Variants in ACSL4 observed in about 807,000 individuals in gnomAD.
ACSL4 encodes acyl-CoA synthetase long chain family member 4, also known as long-chain-fatty-acid--CoA ligase 4.
A neutral mutation model predicts 49.1 loss-of-function variants in ACSL4; 9 were observed. That is an observed-to-expected ratio of 0.18 (90% CI 0.11 to 0.32). The LOEUF (loss-of-function observed/expected upper bound fraction) is 0.32. Ranked by LOEUF, ACSL4 falls within the 10% of genes least tolerant of loss-of-function variation. The pLI, the probability that ACSL4 is intolerant of heterozygous loss-of-function variation, is 1.00. For synonymous variants in ACSL4, 191 were observed against 170.3 expected, an observed-to-expected ratio of 1.12 and a Z score of -0.95; for missense variants, 333 against 493.7, an observed-to-expected ratio of 0.67 and a Z score of 3.08.
At chrX:109,712,668 A>G in intron 1 of ACSL4, among the ~76,000 whole-genome samples, 1 of 112,263 alleles carries the variant, frequency 8.9e-6, no homozygotes, top group African/African-American at 3.2e-5. Flanking sequence ...ATGAATGTGG[A>G]AGAGTATGCA....
intron 15 of ACSL4, among the ~76,000 whole-genome samples, chrX:109,645,938 T>C (rs990324851): frequency 1.1e-4 from 12 of 110,812 alleles, no homozygotes; most frequent in African/African-American, 3.6e-4. Flanking sequence ...GAAGATGAAA[T>C]GAATGAAATG....
intron 1 of ACSL4, among the ~76,000 whole-genome samples, chrX:109,721,540 G>A (rs978043733): frequency 2.7e-5 from 3 of 110,455 alleles, no homozygotes; most frequent in African/African-American, 6.6e-5. Context: ...GAGACCAGCC[G>A]GGCCAACATG....
chrX:109,707,919 T>A (rs1926477198), intron 1 of ACSL4, among the ~76,000 whole-genome samples: 1 of 111,862 alleles, frequency 8.9e-6, no homozygotes, highest in African/African-American at 3.2e-5. Flanking sequence ...AACCAAAATG[T>A]TAATCTCTAG....
intron 2 of ACSL4, among the ~76,000 whole-genome samples, chrX:109,689,384 G>GT (rs1924863888): frequency 8.9e-6 from 1 of 111,840 alleles, no homozygotes; most frequent in South Asian, 3.7e-4. Context: ...TTCTCAAAAT[G>GT]TAAGTTAGAT....
In ACSL4 at chrX:109,733,170, G is replaced by T. The variant is rs1241805069; in HGVS notation, c.-97C>A. On this transcript the variant is annotated 5_prime_UTR_variant, in exon 1 of 16. Transcript: ENST00000672401. ...GGCGGCCCACCGCGTCTTCGCAGCC[G>T]GCCGGCGCCTGGCACTCGGAAAGCT... The T allele has an allele frequency of 3.0e-6, 1 of 328,610 alleles. No homozygotes were observed. Among genetic ancestry groups the T allele is most frequent in the South Asian group, 2.6e-5 (1 of 38,415 alleles). 27.1% of individuals were successfully genotyped at this position (328,610 alleles called of 1,213,427 possible). A position where few individuals can be genotyped will look rare whatever the true frequency, so the allele number is the denominator to read the frequency against.
chrX:109,703,952 T>G (rs958140033), intron 1 of ACSL4, among the ~76,000 whole-genome samples: 1 of 111,629 alleles, frequency 9.0e-6, no homozygotes, highest in Admixed American at 9.5e-5. Flanking sequence ...CTGAATTTCT[T>G]AGACATATTA....
chrX:109,704,393 T>C (rs768167158), intron 1 of ACSL4, among the ~76,000 whole-genome samples: 8 of 99,138 alleles, frequency 8.1e-5, no homozygotes, highest in African/African-American at 2.5e-4. Flanking sequence ...CCAAGAGAAA[T>C]AGTCCAATCT....
chrX:109,668,253 T>C lies in ACSL4; in HGVS notation c.1163A>G (p.Lys388Arg), dbSNP rs761895022. Residue 388 changes from lysine to arginine, a missense_variant, in exon 11 of 16, where the codon AAG becomes AGG. Coordinates refer to ENST00000672401, the MANE Select transcript of ACSL4 (RefSeq NM_001318510.2). ...GCGGACATTCCCTCCCAGCAGGGCC[T>C]TGACCTTTTTAAACAGTAACCTTAA... is the stretch of plus-strand genomic sequence containing the variant. ...LCNLLLFKKV[K>R]ALLGGNVRMM... The C allele has an allele frequency of 3.6e-5, 43 of 1,201,601 alleles. No homozygotes were observed. Among genetic ancestry groups the C allele is most frequent in the Non-Finnish European group, 4.8e-5 (43 of 889,976 alleles).
At chrX:109,671,409 C>G (rs191173572) in intron 9 of ACSL4, among the ~76,000 whole-genome samples, 2,889 of 108,357 alleles carry the variant, frequency 0.027, 83 homozygotes, top group African/African-American at 0.09. Context: ...CGCCCGGGAG[C>G]TGGGGGGCAG....
At chrX:109,695,038 G>GTGGC (rs1369878229) in intron 2 of ACSL4, among the ~76,000 whole-genome samples, 1 of 111,471 alleles carries the variant, frequency 9.0e-6, no homozygotes, top group African/African-American at 3.3e-5. Flanking sequence ...AGTATACATT[G>GTGGC]TGGCTGTCTC....
intron 15 of ACSL4, among the ~76,000 whole-genome samples, chrX:109,652,748 T>C (rs750700145): frequency 9.0e-6 from 1 of 111,662 alleles, no homozygotes; most frequent in East Asian, 2.8e-4. Context: ...GGTTCATTAA[T>C]ATAAAAGTGT....
At chrX:109,696,097 A>C (rs1295323255) in intron 2 of ACSL4, 47 bp downstream of exon 2, 2 of 112,562 alleles carry the variant, frequency 1.8e-5, no homozygotes, top group African/African-American at 6.5e-5. Flanking sequence ...TTTCTCAAAA[A>C]GCTAATAAAA....
chrX:109,647,057 C>G (rs1384008506), intron 15 of ACSL4, among the ~76,000 whole-genome samples: 1 of 111,186 alleles, frequency 9.0e-6, no homozygotes, highest in Non-Finnish European at 1.9e-5. Context: ...GACTTAGACT[C>G]CCACACATTA....
intron 9 of ACSL4, among the ~76,000 whole-genome samples, chrX:109,673,051 G>A (rs1001789426): frequency 2.7e-4 from 30 of 111,855 alleles, no homozygotes; most frequent in Admixed American, 2.3e-3. Context: ...AAGTAAAGCA[G>A]GGAAGAATGG....
At chrX:109,712,896 G>A (rs949571097) in intron 1 of ACSL4, among the ~76,000 whole-genome samples, 1 of 110,706 alleles carries the variant, frequency 9.0e-6, no homozygotes. Context: ...AGCCTGGGAG[G>A]TGGAGGGTGC....
intron 1 of ACSL4, among the ~76,000 whole-genome samples, chrX:109,700,252 G>A (rs924133040): frequency 1.9e-5 from 2 of 103,410 alleles, no homozygotes; most frequent in Non-Finnish European, 3.9e-5. Context: ...GAATGTAGTC[G>A]GGCACGGTGG....
chrX:109,645,453 C>G (rs1337764271), intron 15 of ACSL4, among the ~76,000 whole-genome samples: 1 of 111,974 alleles, frequency 8.9e-6, no homozygotes, highest in African/African-American at 3.2e-5. Context: ...AGACCTGCAG[C>G]TGAGGGTCCT....
At chrX:109,730,647 A>T (rs1489208171) in intron 1 of ACSL4, among the ~76,000 whole-genome samples, 1 of 112,427 alleles carries the variant, frequency 8.9e-6, no homozygotes, top group Non-Finnish European at 1.9e-5. Context: ...TGAATGAATT[A>T]ATAAATGAAT....
chrX:109,714,225 A>G (rs1426204598), intron 1 of ACSL4, among the ~76,000 whole-genome samples: 2 of 112,287 alleles, frequency 1.8e-5, no homozygotes, highest in Non-Finnish European at 3.8e-5. Flanking sequence ...AGAAGTTTAA[A>G]GAGAAAAAAA....
Sources: allele counts gnomAD v4.1 joint callset (sites outside exome capture counted in the v4.1 genomes callset), GRCh38; gene constraint gnomAD v4.1.1; transcripts MANE v1.5; gene names NCBI Gene and HGNC (gene_info 2026-07-23, HGNC 2026-07-21).